Variants in COL4A6 observed in about 807,000 individuals in gnomAD.
COL4A6 encodes collagen type IV alpha 6 chain.
A neutral mutation model predicts 126.7 loss-of-function variants in COL4A6; 59 were observed. The ratio of observed to expected loss-of-function variants is 0.47; its 90% CI spans 0.38 to 0.58. COL4A6 has a LOEUF of 0.58. Ranked by LOEUF, COL4A6 falls within the 20% of genes least tolerant of loss-of-function variation. The probability of loss-of-function intolerance (pLI) is 0.00; values close to 1 mark genes in which losing one functional copy is unlikely to be tolerated. For missense variants in COL4A6, 1,285 were observed against 1,337.3 expected (o/e 0.96, Z 0.61); for synonymous variants, 547 against 496.6 (o/e 1.10, Z -1.35).
At chrX:108,298,390 T>C (rs972315891) in intron 3 of COL4A6, among the ~76,000 whole-genome samples, 3 of 112,498 alleles carry the variant, frequency 2.7e-5, no homozygotes, top group Middle Eastern at 4.6e-3. Context: ...CAGGGCTACC[T>C]TGGCAGCCTG....
chrX:108,161,245 A>T (rs17320262), intron 42 of COL4A6, among the ~76,000 whole-genome samples: 41,190 of 110,198 alleles, frequency 0.37, 5,982 homozygotes, highest in Middle Eastern at 0.47. Context: ...CCACGCCTTA[A>T]CTCAAGTGTT....
chrX:108,333,120 C>T (rs1372017868), intron 2 of COL4A6, among the ~76,000 whole-genome samples: 1 of 110,720 alleles, frequency 9.0e-6, no homozygotes, highest in Non-Finnish European at 1.9e-5. Flanking sequence ...TCAATTTTGT[C>T]AAAGATCAGT....
At position 108,190,331 on chromosome X, in the gene COL4A6, T is replaced by C. The variant is rs901336643; in HGVS notation, c.1426+61A>G. On this transcript the variant is annotated intron_variant, in intron 20 of 44. Coordinates refer to ENST00000334504, the MANE Select transcript of COL4A6 (RefSeq NM_033641.4). ...TTCCCGAGGCTGTTGGTTTTCTCATTCCCCAGGAAGCCTTCTCTAAGGAGT... is the reference window on the plus strand; with the variant it reads ...TTCCCGAGGCTGTTGGTTTTCTCATCCCCCAGGAAGCCTTCTCTAAGGAGT... The C allele has an allele frequency of 1.1e-5, 9 of 798,956 alleles. No homozygotes were observed. In the African/African-American group the frequency reaches 1.7e-4, roughly 15 times the overall value. 65.8% of individuals were successfully genotyped at this position (798,956 alleles called of 1,213,427 possible).
chrX:108,432,262 G>A (rs935461987), intron 2 of COL4A6, among the ~76,000 whole-genome samples: 7 of 112,110 alleles, frequency 6.2e-5, no homozygotes, highest in Non-Finnish European at 1.3e-4. Flanking sequence ...ACTGTCACTA[G>A]TATATACTAA....
intron 3 of COL4A6, among the ~76,000 whole-genome samples, chrX:108,243,059 G>A (rs2036617705): frequency 9.0e-6 from 1 of 111,279 alleles, no homozygotes; most frequent in Admixed American, 9.6e-5. Flanking sequence ...TAAAAAAAAA[G>A]GTTCTGATTC....
chrX:108,264,068 GTT>G (rs917286270), intron 3 of COL4A6, among the ~76,000 whole-genome samples: 3 of 111,171 alleles, frequency 2.7e-5, no homozygotes, highest in South Asian at 3.8e-4. Flanking sequence ...TCCTTCCTGG[GTT>G]TTGTTTCTAG....
intron 2 of COL4A6, among the ~76,000 whole-genome samples, chrX:108,428,325 C>T (rs1271455702): frequency 8.9e-6 from 1 of 112,203 alleles, no homozygotes; most frequent in African/African-American, 3.2e-5. Context: ...AGAGAGCCTT[C>T]TCTGATATCT....
At chrX:108,222,897 T>C (rs2036057819) in intron 3 of COL4A6, among the ~76,000 whole-genome samples, 1 of 111,721 alleles carries the variant, frequency 9.0e-6, no homozygotes, top group Non-Finnish European at 1.9e-5. Flanking sequence ...TATGTGTGTA[T>C]AATGCATATT....
chrX:108,334,561 T>C (rs1443561049), intron 2 of COL4A6, among the ~76,000 whole-genome samples: 1 of 111,268 alleles, frequency 9.0e-6, no homozygotes, highest in African/African-American at 3.3e-5. Flanking sequence ...TAAAGTAACA[T>C]GAGATGGCAT....
intron 3 of COL4A6, among the ~76,000 whole-genome samples, chrX:108,229,368 T>C (rs776831839): frequency 1.1e-4 from 12 of 112,338 alleles, no homozygotes; most frequent in African/African-American, 3.6e-4. Flanking sequence ...GTCTACTTCA[T>C]AGGGTAATTA....
rs200536611 is a variant in COL4A6, at chrX:108,297,986, ACAC to A, written c.144+12759_144+12761del. On this transcript the variant is annotated intron_variant, in intron 3 of 44. Coordinates refer to ENST00000334504, the MANE Select transcript of COL4A6 (RefSeq NM_033641.4). ...GTACACACACCACACACACACACACACACATCTTGCCTTCATAATCAAGGAAAG... is the reference window on the plus strand; with the variant it reads ...GTACACACACCACACACACACACACAATCTTGCCTTCATAATCAAGGAAAG... Among the ~76,000 whole-genome samples the A allele has an allele frequency of 8.5e-3, 931 of 109,832 alleles. 9 individuals are homozygous for A. Among genetic ancestry groups the A allele is most frequent in the South Asian group, 0.013 (32 of 2,486 alleles).
At chrX:108,273,062 C>G (rs939535347) in intron 3 of COL4A6, among the ~76,000 whole-genome samples, 16 of 110,154 alleles carry the variant, frequency 1.5e-4, no homozygotes, top group Non-Finnish European at 9.5e-5. Flanking sequence ...TTAGGTATAT[C>G]TCCTAATGCT....
chrX:108,308,460 C>T (rs924758279), intron 3 of COL4A6, among the ~76,000 whole-genome samples: 1 of 112,365 alleles, frequency 8.9e-6, no homozygotes, highest in African/African-American at 3.2e-5. Flanking sequence ...CCTCAAATCT[C>T]ACTTGCATCG....
chrX:108,162,478 G>A (rs865929832), intron 41 of COL4A6, among the ~76,000 whole-genome samples: 1 of 107,146 alleles, frequency 9.3e-6, no homozygotes, highest in East Asian at 2.8e-4. Flanking sequence ...AAGAAGAAGA[G>A]GAAGAAGAAG....
chrX:108,192,982 C>A (rs1188383569), intron 17 of COL4A6, among the ~76,000 whole-genome samples: 1 of 112,210 alleles, frequency 8.9e-6, no homozygotes, highest in African/African-American at 3.2e-5. Flanking sequence ...CCAAACAGGG[C>A]ATGGGCCTTA....
intron 2 of COL4A6, among the ~76,000 whole-genome samples, chrX:108,375,517 A>C (rs1273030209): frequency 2.7e-5 from 3 of 110,869 alleles, no homozygotes; most frequent in Non-Finnish European, 5.7e-5. Flanking sequence ...TTGGATTCTG[A>C]ATAAAAGAGG....
Position 108,161,668 on chromosome X carries a change from A to G in COL4A6, c.4284T>C (p.Ala1428=), listed in dbSNP as rs1302243301. ...GPSGLPGPPG[A]LGDPGLPGLQ... ...GTCCAGGCAGACCAGGATCACCAAG[A>G]GCCCCAGGTGGGCCTGGGAGCCCAC... is the stretch of plus-strand genomic sequence containing the variant. The change falls in exon 42 of 45, where the codon GCT becomes GCC. Residue 1428 remains alanine (A), a synonymous_variant. Coordinates refer to ENST00000334504, the MANE Select transcript of COL4A6 (RefSeq NM_033641.4). 3 of 1,193,908 alleles carry G rather than the reference A, an allele frequency of 2.5e-6. No homozygotes were observed. Among genetic ancestry groups the G allele is most frequent in the Admixed American group, 4.7e-5 (2 of 42,977 alleles).
At chrX:108,389,818 C>T (rs1050471223) in intron 2 of COL4A6, among the ~76,000 whole-genome samples, 1 of 111,461 alleles carries the variant, frequency 9.0e-6, no homozygotes, top group Non-Finnish European at 1.9e-5. Context: ...AGTTTCTTCA[C>T]AGCGTCGATG....
intron 2 of COL4A6, among the ~76,000 whole-genome samples, chrX:108,429,130 T>C (rs1054526623): frequency 9.8e-5 from 11 of 112,233 alleles, no homozygotes; most frequent in South Asian, 3.7e-4. Context: ...CTGATACTTA[T>C]AACAACATGG....
Sources: allele counts gnomAD v4.1 joint callset (sites outside exome capture counted in the v4.1 genomes callset), GRCh38; gene constraint gnomAD v4.1.1; transcripts MANE v1.5; gene names NCBI Gene and HGNC (gene_info 2026-07-23, HGNC 2026-07-21).